GADL1: variants seen among roughly 807,000 people sequenced by gnomAD.
The protein encoded by GADL1 is acidic amino acid decarboxylase GADL1.
Under a neutral mutation model 69.5 loss-of-function variants are expected in GADL1, and 71 were observed. The observed-to-expected ratio is 1.02, with a 90% CI of 0.84 to 1.25. The LOEUF (loss-of-function observed/expected upper bound fraction) is 1.25, where lower values mean the gene tolerates loss of function less well. Ranked by LOEUF, GADL1 falls within the 50% of genes most tolerant of loss-of-function variation. The probability of loss-of-function intolerance (pLI) is 0.00; values close to 1 mark genes in which losing one functional copy is unlikely to be tolerated. For synonymous variants in GADL1, 254 were observed against 214.4 expected (o/e 1.18, Z -1.62); for missense variants, 737 against 631.8 (o/e 1.17, Z -1.79).
intron 11 of GADL1, among the ~76,000 whole-genome samples, chr3:30,813,652 GA>G (rs1697403081): frequency 2.0e-5 from 3 of 152,220 alleles, no homozygotes; most frequent in Non-Finnish European, 4.4e-5. Context: ...CTGAGGCCTG[GA>G]GTATAGGTAG....
chr3:30,806,478 GCTTT>G (rs1164001351), intron 11 of GADL1, among the ~76,000 whole-genome samples: 1 of 152,122 alleles, frequency 6.6e-6, no homozygotes, highest in Non-Finnish European at 1.5e-5. Flanking sequence ...TCTGATATTG[GCTTT>G]CTTTATTGAT....
chr3:30,818,651 G>C (rs561606478), intron 11 of GADL1, among the ~76,000 whole-genome samples: 86 of 152,232 alleles, frequency 5.6e-4, no homozygotes, highest in Non-Finnish European at 8.8e-4. Flanking sequence ...ATTAATATAA[G>C]TATGTCCTAT....
At chr3:30,798,233 C>T (rs555537500) in intron 12 of GADL1, 2 of 152,894 alleles carry the variant, frequency 1.3e-5, no homozygotes, top group African/African-American at 4.8e-5. Flanking sequence ...CATTCTTCTC[C>T]CCTTCTGTTT....
chr3:30,768,231 CA>C (rs1696330909), intron 14 of GADL1, among the ~76,000 whole-genome samples: 1 of 152,062 alleles, frequency 6.6e-6, no homozygotes, highest in Non-Finnish European at 1.5e-5. Flanking sequence ...GAAATAATAG[CA>C]AAAGCAGATG....
intron 14 of GADL1, among the ~76,000 whole-genome samples, chr3:30,730,932 C>T (rs935415439): frequency 6.6e-6 from 1 of 152,178 alleles, no homozygotes; most frequent in Non-Finnish European, 1.5e-5. Flanking sequence ...CTCTGACCCA[C>T]CATATTGTAC....
chr3:30,749,294 C>A (rs1695762459), intron 14 of GADL1, among the ~76,000 whole-genome samples: 2 of 152,318 alleles, frequency 1.3e-5, no homozygotes, highest in South Asian at 4.1e-4. Flanking sequence ...TACATAAGGT[C>A]TGAAAGCCTC....
intron 9 of GADL1, among the ~76,000 whole-genome samples, chr3:30,836,392 T>A (rs1341396415): frequency 1.9e-5 from 2 of 104,346 alleles, no homozygotes; most frequent in South Asian, 2.8e-4. Flanking sequence ...CATAAATTTA[T>A]TCCTTAAAAA....
chr3:30,846,035 C>T (rs1468654322), intron 6 of GADL1, among the ~76,000 whole-genome samples: 1 of 146,068 alleles, frequency 6.8e-6, no homozygotes, highest in Non-Finnish European at 1.5e-5. Context: ...AACCCAATGT[C>T]AATCTGAGAT....
At chr3:30,860,118 C>T (rs969826092) in intron 2 of GADL1, among the ~76,000 whole-genome samples, 1 of 151,806 alleles carries the variant, frequency 6.6e-6, no homozygotes, top group Admixed American at 6.6e-5. Flanking sequence ...CCTGCCACTG[C>T]CCCCCAAAAT....
chr3:30,810,773 ACT>A (rs1697336720), intron 11 of GADL1, among the ~76,000 whole-genome samples: 1 of 150,320 alleles, frequency 6.7e-6, no homozygotes, highest in South Asian at 2.1e-4. Context: ...CATCCTAGCT[ACT>A]CTCTCTCCCA....
intron 11 of GADL1, among the ~76,000 whole-genome samples, chr3:30,809,717 G>T (rs1183298578): frequency 6.6e-6 from 1 of 152,044 alleles, no homozygotes; most frequent in African/African-American, 2.4e-5. Flanking sequence ...TAGTTTAGAG[G>T]TGGGATTGTA....
chr3:30,754,186 T>C (rs568281654), intron 14 of GADL1, among the ~76,000 whole-genome samples: 1 of 152,190 alleles, frequency 6.6e-6, no homozygotes, highest in South Asian at 2.1e-4. Context: ...GAAGTATGGC[T>C]TCATCCTTTT....
chr3:30,802,866 G>A (rs188292250), intron 11 of GADL1, among the ~76,000 whole-genome samples: 340 of 152,322 alleles, frequency 2.2e-3, no homozygotes, highest in Non-Finnish European at 2.8e-3. Context: ...TTGGAGGGCT[G>A]AGGCAAGAGG....
intron 8 of GADL1, among the ~76,000 whole-genome samples, chr3:30,843,196 A>G (rs934162726): frequency 6.6e-6 from 1 of 151,950 alleles, no homozygotes; most frequent in African/African-American, 2.4e-5. Flanking sequence ...GGAGAGAAGC[A>G]GCAAATCTAG....
chr3:30,841,366 G>T (rs1459797572), intron 8 of GADL1, among the ~76,000 whole-genome samples: 1 of 152,002 alleles, frequency 6.6e-6, no homozygotes, highest in African/African-American at 2.4e-5. Context: ...TTAGTATTAT[G>T]TCCGTTTCAT....
chr3:30,744,864 A>G (rs1464647185), intron 14 of GADL1, among the ~76,000 whole-genome samples: 1 of 152,242 alleles, frequency 6.6e-6, no homozygotes, highest in Non-Finnish European at 1.5e-5. Context: ...TTTATTTACA[A>G]AAAAATGACA....
At chr3:30,778,289 A>G in intron 13 of GADL1, 21 bp from the exon 14 acceptor site, 1 of 1,440,108 alleles carries the variant, frequency 6.9e-7, no homozygotes, top group Non-Finnish European at 9.7e-7. Context: ...GAAAAAATAT[A>G]AAGTTGTTAT....
At chr3:30,812,607 C>A (rs905903446) in intron 11 of GADL1, among the ~76,000 whole-genome samples, 2 of 152,150 alleles carry the variant, frequency 1.3e-5, no homozygotes, top group Admixed American at 6.5e-5. Flanking sequence ...GTGGGAGCTA[C>A]AATTCAAAAT....
At chr3:30,820,756 C>T (rs1041743433) in intron 11 of GADL1, among the ~76,000 whole-genome samples, 1 of 151,804 alleles carries the variant, frequency 6.6e-6, no homozygotes, top group Admixed American at 6.6e-5. Context: ...TTGTGGAAGT[C>T]AGTGTGGCGA....
Sources: gnomAD v4.1 joint callset for allele counts (sites outside exome capture counted in the v4.1 genomes callset) on GRCh38, gnomAD v4.1.1 for gene constraint, MANE v1.5 for transcripts, NCBI Gene and HGNC (gene_info 2026-07-23, HGNC 2026-07-21) for gene names.